Variants in OPRM1 observed in about 807,000 individuals in gnomAD.
OPRM1 encodes mu-type opioid receptor.
In OPRM1, 27 loss-of-function variants were observed where a neutral mutation model predicts 31.8. The observed-to-expected ratio is 0.85, with a 90% CI of 0.63 to 1.17. The LOEUF is 1.17. Ranked by LOEUF, OPRM1 falls within the 50% of genes most tolerant of loss-of-function variation. The pLI, the probability that OPRM1 is intolerant of heterozygous loss-of-function variation, is 0.00. For synonymous variants in OPRM1, 196 were observed against 189.9 expected, an observed-to-expected ratio of 1.03 and a Z score of -0.26; for missense variants, 536 against 511.1, an observed-to-expected ratio of 1.05 and a Z score of -0.47.
chr6:154,045,137 A>G (rs1780860750), intron 1 of OPRM1, among the ~76,000 whole-genome samples: 1 of 152,068 alleles, frequency 6.6e-6, no homozygotes, highest in African/African-American at 2.4e-5. Context: ...GAGGCACAAG[A>G]ATTTCTTGTA....
intron 1 of OPRM1, chr6:154,011,052 T>C: frequency 8.5e-6 from 11 of 1,289,056 alleles, no homozygotes; most frequent in Non-Finnish European, 1.0e-5. Flanking sequence ...GTTGAAGAAA[T>C]CCTTTTCATT....
At chr6:154,177,288 G>A (rs150970155) in intron 3 of OPRM1, among the ~76,000 whole-genome samples, 103 of 152,232 alleles carry the variant, frequency 6.8e-4, no homozygotes, top group Middle Eastern at 3.4e-3. Context: ...ATTGACAAAC[G>A]GGATCTAATT....
At chr6:154,110,222 G>A (rs1796191222) in intron 3 of OPRM1, 20 of 543,524 alleles carry the variant, frequency 3.7e-5, no homozygotes. Context: ...GTTTTACTTT[G>A]TTTTCTGGTG....
At chr6:154,048,871 A>C (rs188135237) in intron 1 of OPRM1, among the ~76,000 whole-genome samples, 1 of 152,308 alleles carries the variant, frequency 6.6e-6, no homozygotes, top group Admixed American at 6.5e-5. Context: ...AGAAAGTAAA[A>C]TTTGAAGAAG....
chr6:154,054,495 A>G (rs1171524276), intron 1 of OPRM1, among the ~76,000 whole-genome samples: 2 of 152,190 alleles, frequency 1.3e-5, no homozygotes, highest in Non-Finnish European at 2.9e-5. Context: ...GCCAAGATCA[A>G]GAAGGACAGG....
chr6:154,152,390 A>AAGAAAGGGAGAG (rs1360734115), intron 3 of OPRM1, among the ~76,000 whole-genome samples: 1 of 126,198 alleles, frequency 7.9e-6, no homozygotes, highest in Non-Finnish European at 1.7e-5. Context: ...GAAAGAAAGA[A>AAGAAAGGGAGAG]AGAGAAATAG....
chr6:154,058,004 C>T (rs376995979), intron 1 of OPRM1, among the ~76,000 whole-genome samples: 2 of 152,132 alleles, frequency 1.3e-5, no homozygotes, highest in Non-Finnish European at 2.9e-5. Context: ...AAATTGTCTG[C>T]ATATAAACAA....
Position 154,122,747 on chromosome 6 carries a change from A to G in OPRM1, c.*4026A>G, listed in dbSNP as rs616585. Among the ~76,000 whole-genome samples the G allele has an allele frequency of 0.87, 132,551 of 152,140 alleles. 58,096 individuals are homozygous for G. Among genetic ancestry groups the G allele is most frequent in the East Asian group, 0.98 (5,102 of 5,190 alleles). ...TTTGTTATGCAATATCACCCATATC[A>G]AATACCATTCTTAAAGCAGTAGACA... On this transcript the variant is annotated 3_prime_UTR_variant, in exon 4 of 4. Coordinates refer to ENST00000330432, the MANE Select transcript of OPRM1 (RefSeq NM_000914.5).
At chr6:154,158,118 A>C (rs1798787370) in intron 3 of OPRM1, 1 of 152,218 alleles carries the variant, frequency 6.6e-6, no homozygotes, top group Admixed American at 6.5e-5. Flanking sequence ...CAGAGTATTA[A>C]GGCTTCTTAG....
intron 3 of OPRM1, among the ~76,000 whole-genome samples, chr6:154,216,134 A>G (rs1230322605): frequency 6.6e-6 from 1 of 152,236 alleles, no homozygotes; most frequent in Non-Finnish European, 1.5e-5. Context: ...TATCAATCCT[A>G]TAGAAACACA....
At chr6:154,045,541 A>G (rs1314867918) in intron 1 of OPRM1, among the ~76,000 whole-genome samples, 2 of 152,206 alleles carry the variant, frequency 1.3e-5, no homozygotes, top group African/African-American at 2.4e-5. Context: ...AGGGACCACC[A>G]TAGAATTTCT....
intron 3 of OPRM1, among the ~76,000 whole-genome samples, chr6:154,190,563 A>G (rs6915225): frequency 0.094 from 14,384 of 152,238 alleles, 1,073 homozygotes; most frequent in African/African-American, 0.21. Context: ...GATGGTGGGA[A>G]TGCAAAATGG....
intron 3 of OPRM1, among the ~76,000 whole-genome samples, chr6:154,138,361 G>A (rs1044548979): frequency 4.6e-5 from 7 of 152,128 alleles, no homozygotes; most frequent in Non-Finnish European, 8.8e-5. Flanking sequence ...TCGCCTGATT[G>A]CTTTAAAATA....
chr6:154,051,212 T>G (rs956976156), intron 1 of OPRM1, among the ~76,000 whole-genome samples: 2 of 152,220 alleles, frequency 1.3e-5, no homozygotes, highest in African/African-American at 4.8e-5. Flanking sequence ...TAGCAAACTT[T>G]GGAAAAATTT....
exon 1 of OPRM1, chr6:154,010,653 A>G: frequency 6.7e-7 from 1 of 1,488,378 alleles, no homozygotes. Context: ...CTGAAAACTC[A>G]CTGGAAGATA....
intron 1 of OPRM1, among the ~76,000 whole-genome samples, chr6:154,016,263 T>G (rs2128378070): frequency 6.6e-6 from 1 of 152,270 alleles, no homozygotes; most frequent in East Asian, 1.9e-4. Flanking sequence ...AAAAATAGTT[T>G]ACAATTATAA....
At chr6:154,235,583 C>T (rs1206422959) in intron 3 of OPRM1, among the ~76,000 whole-genome samples, 1 of 147,584 alleles carries the variant, frequency 6.8e-6, no homozygotes, top group African/African-American at 2.5e-5. Context: ...CTTTTAAAAT[C>T]ACAGTCAGTA....
At chr6:154,163,412 G>A (rs1446510011) in intron 3 of OPRM1, among the ~76,000 whole-genome samples, 27 of 152,128 alleles carry the variant, frequency 1.8e-4, no homozygotes, top group Admixed American at 1.8e-3. Context: ...CTTTCAAAGA[G>A]GCCTTTCATG....
intron 1 of OPRM1, chr6:154,083,556 T>C (rs1789662157): frequency 6.6e-6 from 1 of 152,314 alleles, no homozygotes; most frequent in South Asian, 2.1e-4. Context: ...TGGTTTGTCA[T>C]CGGGGGACCC....
Sources: gnomAD v4.1 joint callset for allele counts (sites outside exome capture counted in the v4.1 genomes callset) on GRCh38, gnomAD v4.1.1 for gene constraint, MANE v1.5 for transcripts, NCBI Gene and HGNC (gene_info 2026-07-23, HGNC 2026-07-21) for gene names.